Variants in JAK2 observed in about 807,000 individuals in gnomAD.
The protein encoded by JAK2 is tyrosine-protein kinase JAK2.
JAK2 carries 86 observed loss-of-function variants against 139.3 expected under a neutral mutation model. The observed-to-expected ratio is 0.62, with a 90% CI of 0.52 to 0.74. The LOEUF is 0.74. Among genes scored for constraint, JAK2 ranks in the 30% least tolerant of loss-of-function variants. JAK2 has a pLI of 0.00. For missense variants in JAK2, 1,421 were observed against 1,360.3 expected (o/e 1.04, Z -0.70); for synonymous variants, 490 against 437.7 (o/e 1.12, Z -1.49).
At chr9:5,080,110 C>G (rs1819583341) in intron 16 of JAK2, 119 bp from the exon 17 acceptor site, 3 of 810,258 alleles carry the variant, frequency 3.7e-6, no homozygotes, top group East Asian at 2.5e-5. Context: ...TCCAACCCCT[C>G]CAAAATAAAG....
chr9:5,042,599 A>AGGCCCAACCCC (rs1816675527), intron 4 of JAK2, among the ~76,000 whole-genome samples: 1 of 151,668 alleles, frequency 6.6e-6, no homozygotes, highest in African/African-American at 2.4e-5. Context: ...CCCAGGGCTG[A>AGGCCCAACCCC]GGCCCAGCCA....
chr9:5,081,137 C>T (rs1344967544), intron 18 of JAK2, among the ~76,000 whole-genome samples: 22 of 151,922 alleles, frequency 1.4e-4, no homozygotes, highest in African/African-American at 4.3e-4. Context: ...TCTTGTGATC[C>T]GCCCGCCTCG....
At chr9:5,120,238 C>T (rs1823512042) in intron 22 of JAK2, among the ~76,000 whole-genome samples, 2 of 152,196 alleles carry the variant, frequency 1.3e-5, no homozygotes, top group African/African-American at 4.8e-5. Flanking sequence ...CATGAAGCCT[C>T]TCATAAGGGC....
At chr9:5,007,210 C>G (rs76476968) in intron 2 of JAK2, among the ~76,000 whole-genome samples, 1 of 151,826 alleles carries the variant, frequency 6.6e-6, no homozygotes, top group Non-Finnish European at 1.5e-5. Flanking sequence ...TAACATTGTT[C>G]AGCCTTTCTT....
intron 22 of JAK2, among the ~76,000 whole-genome samples, chr9:5,118,263 TCC>T: frequency 6.6e-6 from 1 of 152,364 alleles, no homozygotes; most frequent in East Asian, 1.9e-4. Flanking sequence ...TTTGTATCAT[TCC>T]TTTTTCTCTT....
rs2130556214 is a variant in JAK2, at chr9:5,073,731, C to G, written c.1810C>G (p.Leu604Val). 1 of 1,612,286 alleles carries G rather than the reference C, an allele frequency of 6.2e-7. No homozygotes were observed. Among genetic ancestry groups the G allele is most frequent in the Non-Finnish European group, 8.5e-7 (1 of 1,179,092 alleles). Reference protein sequence around the residue: ...FFEAASMMSKLSHKHLVLNYG... With the variant: ...FFEAASMMSKVSHKHLVLNYG... Reference sequence around the variant, plus strand: ...TGAAGCAGCAAGTATGATGAGCAAGCTTTCTCACAAGCATTTGGTTTTAAA... The same window carrying G: ...TGAAGCAGCAAGTATGATGAGCAAGGTTTCTCACAAGCATTTGGTTTTAAA... Residue 604 changes from leucine (L) to valine (V), a missense_variant, in exon 14 of 25, where the codon CTT (leucine) becomes GTT (valine). Coordinates refer to ENST00000381652, the MANE Select transcript of JAK2 (RefSeq NM_004972.4).
intron 2 of JAK2, among the ~76,000 whole-genome samples, chr9:4,992,722 G>C (rs913927715): frequency 2.0e-5 from 3 of 152,156 alleles, no homozygotes; most frequent in Non-Finnish European, 2.9e-5. Context: ...CCCATGAAGA[G>C]ACAGTTTATA....
intron 22 of JAK2, among the ~76,000 whole-genome samples, chr9:5,105,822 T>C (rs201748136): frequency 6.6e-6 from 1 of 152,180 alleles, no homozygotes; most frequent in African/African-American, 2.4e-5. Flanking sequence ...AAAGGATTCC[T>C]TATTTAATAA....
chr9:5,112,764 C>T (rs755386675), intron 22 of JAK2: 4 of 617,220 alleles, frequency 6.5e-6, no homozygotes, highest in Non-Finnish European at 5.0e-6. Flanking sequence ...GAGAAGGTGT[C>T]GCGCGTGTTC....
chr9:5,044,790 G>A (rs1038509929), intron 5 of JAK2, among the ~76,000 whole-genome samples: 2 of 152,034 alleles, frequency 1.3e-5, no homozygotes, highest in Non-Finnish European at 2.9e-5. Flanking sequence ...TAAGGATTTC[G>A]CAAAGTATAG....
intron 22 of JAK2, chr9:5,099,645 G>A (rs898447844): frequency 3.3e-5 from 5 of 152,136 alleles, no homozygotes; most frequent in African/African-American, 9.7e-5. Context: ...GTTTCCCACT[G>A]TTTCCAACCT....
At chr9:4,992,625 C>T (rs1030079121) in intron 2 of JAK2, among the ~76,000 whole-genome samples, 18 of 152,124 alleles carry the variant, frequency 1.2e-4, no homozygotes, top group Admixed American at 3.9e-4. Context: ...ACTCAGAGTC[C>T]AGTATCTCAT....
intron 2 of JAK2, among the ~76,000 whole-genome samples, chr9:5,012,813 A>G (rs1821786697): frequency 1.3e-5 from 2 of 152,230 alleles, no homozygotes; most frequent in Admixed American, 1.3e-4. Context: ...AGAGGTAAGC[A>G]GCAAACAGAT....
At chr9:5,049,137 T>A (rs1443157803) in intron 5 of JAK2, among the ~76,000 whole-genome samples, 1 of 152,170 alleles carries the variant, frequency 6.6e-6, no homozygotes, top group Non-Finnish European at 1.5e-5. Context: ...CTGGATCAGA[T>A]CCTTATTATT....
chr9:5,073,639 C>G (rs1819121109), intron 13 of JAK2, 59 bp from the exon 14 acceptor site: 5 of 1,251,420 alleles, frequency 4.0e-6, no homozygotes, highest in Non-Finnish European at 4.6e-6. Flanking sequence ...AGAGAATTTT[C>G]TGAACTATTT....
At chr9:4,989,692 T>A (rs1487756215) in intron 2 of JAK2, among the ~76,000 whole-genome samples, 2 of 152,134 alleles carry the variant, frequency 1.3e-5, no homozygotes, top group Non-Finnish European at 2.9e-5. Context: ...TAAGACCACT[T>A]GAGTTGAGCA....
chr9:5,090,964 T>G, intron 22 of JAK2, 53 bp downstream of exon 22: 10 of 1,218,842 alleles, frequency 8.2e-6, no homozygotes, highest in Non-Finnish European at 1.0e-5. Context: ...ACTTCAAACT[T>G]TATTGTTGTT....
At chr9:5,088,454 T>C (rs1820300485) in intron 19 of JAK2, among the ~76,000 whole-genome samples, 1 of 152,210 alleles carries the variant, frequency 6.6e-6, no homozygotes, top group Non-Finnish European at 1.5e-5. Flanking sequence ...CAAAAACCTA[T>C]ACTTTATTTA....
intron 22 of JAK2, among the ~76,000 whole-genome samples, chr9:5,117,385 C>G (rs749409608): frequency 1.3e-5 from 2 of 152,200 alleles, no homozygotes; most frequent in Non-Finnish European, 2.9e-5. Flanking sequence ...AGAAAGATAG[C>G]TCTACTTTTG....
Sources: allele counts gnomAD v4.1 joint callset (sites outside exome capture counted in the v4.1 genomes callset), GRCh38; gene constraint gnomAD v4.1.1; transcripts MANE v1.5; gene names NCBI Gene and HGNC (gene_info 2026-07-23, HGNC 2026-07-21).